The following STXBP6 variants were observed in gnomAD, a reference collection of about 807,000 sequenced individuals.
STXBP6 encodes syntaxin-binding protein 6.
In STXBP6, 21 loss-of-function variants were observed where a neutral mutation model predicts 26.9. The observed-to-expected ratio is 0.78, with a 90% CI of 0.55 to 1.12. The LOEUF is 1.12. STXBP6 is among the 50% of genes most tolerant of loss of function. STXBP6 has a pLI of 0.00. For synonymous variants in STXBP6, 97 were observed against 92.6 expected, an observed-to-expected ratio of 1.05 and a Z score of -0.27; for missense variants, 232 against 257.9, an observed-to-expected ratio of 0.90 and a Z score of 0.69.
chr14:24,878,691 C>T (rs1595026305), intron 2 of STXBP6: 2 of 361,728 alleles, frequency 5.5e-6, no homozygotes, highest in Non-Finnish European at 5.8e-6. Context: ...ATGGCCTTTT[C>T]TTAAACTGAA....
intron 2 of STXBP6, among the ~76,000 whole-genome samples, chr14:24,874,126 A>G (rs183791749): frequency 1.4e-4 from 22 of 152,266 alleles, no homozygotes; most frequent in Middle Eastern, 6.8e-3. Flanking sequence ...GGAGGAAGAA[A>G]AAAACCACTT....
At position 24,811,851 on chromosome 14, in the gene STXBP6, G is replaced by C. The variant is rs1467901718; in HGVS notation, c.*858C>G. ...TATCATTGACACAGACCTTTACCTG[G>C]ACAAATCAATTTTTTGATAAAAATA... is the stretch of plus-strand genomic sequence containing the variant. On this transcript the variant is annotated 3_prime_UTR_variant, in exon 6 of 6. Transcript: ENST00000323944. 1 of 152,036 alleles carries C rather than the reference G, an allele frequency of 6.6e-6. No homozygotes were observed. The highest frequency in any genetic ancestry group is 1.5e-5 in the Non-Finnish European group (1 of 68,006). The allele number at this position is 152,036 out of a possible 1,614,324, so 9.4% of individuals were successfully genotyped here.
intron 2 of STXBP6, among the ~76,000 whole-genome samples, chr14:24,912,089 G>T (rs144465614): frequency 6.6e-6 from 1 of 152,146 alleles, no homozygotes; most frequent in Non-Finnish European, 1.5e-5. Context: ...GGCAGTATCT[G>T]TTTGGCATGA....
intron 1 of STXBP6, among the ~76,000 whole-genome samples, chr14:25,033,509 T>C (rs143992051): frequency 1.8e-3 from 271 of 152,324 alleles, no homozygotes; most frequent in South Asian, 9.1e-3. Context: ...TACTTTCTCA[T>C]ACCCATTATC....
intron 2 of STXBP6, among the ~76,000 whole-genome samples, chr14:24,901,730 T>C (rs1226536891): frequency 1.3e-5 from 2 of 152,134 alleles, no homozygotes; most frequent in African/African-American, 4.8e-5. Flanking sequence ...CTCAAAAACG[T>C]ACTGAATGAA....
rs758127269 is a variant in STXBP6 at position 24,856,012 on chromosome 14, G to A, written c.375C>T (p.Ile125=). The change falls in exon 4 of 6, where the codon ATC becomes ATT. Residue 125 remains isoleucine (I), a synonymous_variant. Coordinates refer to ENST00000323944, the MANE Select transcript of STXBP6 (RefSeq NM_001394410.1). ...TASEKCTFFQ[I]LHHTCQRYLT... ...GGTACCTCTGGCAGGTATGGTGGAGGATCTGGAAGAAGGTGCATTTTTCTG... is the reference window on the plus strand; with the variant it reads ...GGTACCTCTGGCAGGTATGGTGGAGAATCTGGAAGAAGGTGCATTTTTCTG... 2.5e-6 allele frequency: 4 copies of A among 1,611,558 alleles called. No individual in the cohort carries two copies. Among genetic ancestry groups the A allele is most frequent in the Admixed American group, 1.7e-5 (1 of 59,652 alleles).
chr14:24,823,380 C>T (rs973679591), intron 4 of STXBP6, among the ~76,000 whole-genome samples: 2 of 152,106 alleles, frequency 1.3e-5, no homozygotes, highest in Non-Finnish European at 2.9e-5. Flanking sequence ...TTTTAAGAAG[C>T]ACATGCAATA....
At chr14:25,045,128 G>A (rs1234256385) in intron 1 of STXBP6, among the ~76,000 whole-genome samples, 1 of 152,066 alleles carries the variant, frequency 6.6e-6, no homozygotes, top group African/African-American at 2.4e-5. Context: ...TTAAAATTGT[G>A]GTTTGTGCTA....
At chr14:24,932,946 T>C (rs2072469646) in intron 2 of STXBP6, among the ~76,000 whole-genome samples, 1 of 152,176 alleles carries the variant, frequency 6.6e-6, no homozygotes, top group South Asian at 2.1e-4. Context: ...ATGGAAATGG[T>C]GACTGGGCAG....
intron 2 of STXBP6, among the ~76,000 whole-genome samples, chr14:24,866,352 A>G (rs554961169): frequency 2.4e-4 from 36 of 152,016 alleles, no homozygotes; most frequent in African/African-American, 8.4e-4. Context: ...TTTTATATAT[A>G]TGTGTGTGGG....
intron 1 of STXBP6, among the ~76,000 whole-genome samples, chr14:24,980,732 G>A (rs761122813): frequency 2.0e-5 from 3 of 152,112 alleles, no homozygotes; most frequent in Non-Finnish European, 4.4e-5. Context: ...AAAATCAATA[G>A]ACATTCAGCA....
At chr14:24,966,247 G>A (rs903510308) in intron 2 of STXBP6, among the ~76,000 whole-genome samples, 1 of 152,102 alleles carries the variant, frequency 6.6e-6, no homozygotes, top group Non-Finnish European at 1.5e-5. Context: ...CTCTGTTGGC[G>A]TGCTAAACCA....
intron 2 of STXBP6, among the ~76,000 whole-genome samples, chr14:24,903,660 CA>C (rs774900412): frequency 5.9e-5 from 9 of 152,134 alleles, no homozygotes; most frequent in Non-Finnish European, 1.2e-4. Flanking sequence ...AAATAATCTA[CA>C]AAATAATGCT....
intron 2 of STXBP6, among the ~76,000 whole-genome samples, chr14:24,882,773 C>T (rs2070421517): frequency 6.6e-6 from 1 of 152,096 alleles, no homozygotes; most frequent in African/African-American, 2.4e-5. Context: ...CACCTCTCCA[C>T]TATAAGTTTA....
At chr14:24,926,901 A>C (rs971168664) in intron 2 of STXBP6, among the ~76,000 whole-genome samples, 2 of 152,072 alleles carry the variant, frequency 1.3e-5, no homozygotes, top group Non-Finnish European at 2.9e-5. Context: ...CCTCGAGAAG[A>C]GTAGGTGAAT....
chr14:24,841,743 AT>A (rs1184529984), intron 4 of STXBP6, among the ~76,000 whole-genome samples: 1 of 152,056 alleles, frequency 6.6e-6, no homozygotes, highest in Admixed American at 6.5e-5. Context: ...TTCCAGGATT[AT>A]TTTTTTCTAT....
At chr14:24,873,362 CA>C (rs2070012234) in intron 2 of STXBP6, among the ~76,000 whole-genome samples, 1 of 151,912 alleles carries the variant, frequency 6.6e-6, no homozygotes, top group Non-Finnish European at 1.5e-5. Context: ...CCAGAAGAGC[CA>C]GGACAGTTTT....
intron 1 of STXBP6, among the ~76,000 whole-genome samples, chr14:25,045,022 T>C (rs965339683): frequency 6.6e-6 from 1 of 152,224 alleles, no homozygotes; most frequent in East Asian, 1.9e-4. Flanking sequence ...TAACCACTTA[T>C]AGAGTTAATT....
At chr14:24,979,827 C>A (rs1404173362) in intron 1 of STXBP6, among the ~76,000 whole-genome samples, 1 of 152,148 alleles carries the variant, frequency 6.6e-6, no homozygotes, top group Non-Finnish European at 1.5e-5. Flanking sequence ...TTCACCATCC[C>A]CGGCCTGAAT....
Sources: gnomAD v4.1 joint callset for allele counts (sites outside exome capture counted in the v4.1 genomes callset) on GRCh38, gnomAD v4.1.1 for gene constraint, MANE v1.5 for transcripts, NCBI Gene and HGNC (gene_info 2026-07-23, HGNC 2026-07-21) for gene names.